Variants in KIF16B observed in about 807,000 individuals in gnomAD.
KIF16B encodes kinesin family member 16B.
Under a neutral mutation model 156.3 loss-of-function variants are expected in KIF16B, and 98 were observed. That is an observed-to-expected ratio of 0.63 (90% CI 0.53 to 0.74). The LOEUF is 0.74. KIF16B is among the 30% of genes least tolerant of loss of function. The pLI is 0.00. For missense variants in KIF16B, 1,421 were observed against 1,606.5 expected (o/e 0.88, Z 1.97); for synonymous variants, 564 against 583.7 (o/e 0.97, Z 0.49).
chr20:16,439,856 C>T lies in KIF16B; in HGVS notation c.1303-9874G>A, dbSNP rs1453125862. Among the ~76,000 whole-genome samples, 4 of 152,152 alleles carry T rather than the reference C, an allele frequency of 2.6e-5. No individual in the cohort carries two copies. The South Asian group carries it at 6.2e-4, about 24-fold the overall frequency. ...CTTATTCGCTATCATGAGAACAGCA[C>T]AGGAAAGACCTGCCCCCGTGATTCA... is the stretch of plus-strand genomic sequence containing the variant. On this transcript the variant is annotated intron_variant, in intron 12 of 25. Transcript: ENST00000354981.
chr20:16,367,338 TAAG>T, intron 22 of KIF16B: 2 of 1,612,894 alleles, frequency 1.2e-6, no homozygotes, highest in Non-Finnish European at 8.5e-7. Context: ...TGAGTTTCTG[TAAG>T]AAGACTAGTT....
chr20:16,335,865 T>C, intron 24 of KIF16B, 61 bp downstream of exon 24: 1 of 985,998 alleles, frequency 1.0e-6, no homozygotes, highest in Non-Finnish European at 1.6e-6. Flanking sequence ...GCTAATGCAA[T>C]CAGCTCATTT....
intron 12 of KIF16B, among the ~76,000 whole-genome samples, chr20:16,480,411 CAA>C (rs910911403): frequency 2.0e-5 from 3 of 152,024 alleles, no homozygotes; most frequent in South Asian, 2.1e-4. Flanking sequence ...AAACTGAGAC[CAA>C]GAGAGAGAAT....
At chr20:16,573,069 A>C (rs903547753) in intron 1 of KIF16B, among the ~76,000 whole-genome samples, 160 bp downstream of exon 1, 4 of 152,172 alleles carry the variant, frequency 2.6e-5, no homozygotes, top group Non-Finnish European at 4.4e-5. Context: ...ACAGCAGTGC[A>C]CGAAGTCCTC....
At chr20:16,481,930 G>A (rs1290551659) in intron 12 of KIF16B, among the ~76,000 whole-genome samples, 2 of 152,080 alleles carry the variant, frequency 1.3e-5, no homozygotes, top group Non-Finnish European at 2.9e-5. Flanking sequence ...GCCTGTCCTC[G>A]TTTCTCACTT....
chr20:16,298,999 GAAACAT>G (rs2122575729), intron 25 of KIF16B, among the ~76,000 whole-genome samples: 1 of 152,184 alleles, frequency 6.6e-6, no homozygotes, highest in Non-Finnish European at 1.5e-5. Context: ...GGTCATGATT[GAAACAT>G]ACATGTTGTA....
At chr20:16,495,104 GA>G (rs1330704834) in intron 11 of KIF16B, among the ~76,000 whole-genome samples, 1 of 152,172 alleles carries the variant, frequency 6.6e-6, no homozygotes, top group Non-Finnish European at 1.5e-5. Flanking sequence ...AAATATGAAT[GA>G]AAAATGCGTT....
Position 16,494,348 on chromosome 20 carries a change from A to T in KIF16B, c.1245T>A (p.Val415=). The T allele has an allele frequency of 6.3e-7, 1 of 1,592,768 alleles. No individual in the cohort carries two copies. Among genetic ancestry groups the T allele is most frequent in the East Asian group, 2.3e-5 (1 of 44,436 alleles). Residue 415 remains valine, a splice_region_variant and synonymous_variant, in exon 12 of 26, where the codon GTT becomes GTA. Coordinates refer to ENST00000354981, the MANE Select transcript of KIF16B (RefSeq NM_024704.5). ...TTGTCCATTCCTTGGTCAATTCTTGAACCTGAAAAGAAAAATATACATACG... is the reference window on the plus strand; with the variant it reads ...TTGTCCATTCCTTGGTCAATTCTTGTACCTGAAAAGAAAAATATACATACG... ...EEKLQQNEAR[V]QELTKEWTNK...
intron 22 of KIF16B, chr20:16,368,828 C>T (rs1263226797): frequency 5.1e-6 from 5 of 985,712 alleles, no homozygotes; most frequent in African/African-American, 3.5e-5. Flanking sequence ...ATAGACACTT[C>T]TTGGGACGTA....
intron 24 of KIF16B, among the ~76,000 whole-genome samples, chr20:16,326,291 A>G (rs934568223): frequency 3.8e-4 from 58 of 151,628 alleles, no homozygotes; most frequent in African/African-American, 1.4e-3. Context: ...AAAAAAAAAG[A>G]TAAATAGATG....
At chr20:16,381,582 G>T in intron 18 of KIF16B, 112 bp downstream of exon 18, 4 of 628,502 alleles carry the variant, frequency 6.4e-6, no homozygotes, top group Non-Finnish European at 7.6e-6. Flanking sequence ...ACAGATAACA[G>T]ACACAGAGCA....
At chr20:16,456,096 CCAATACAATACAATACAATA>C (rs56823966) in intron 12 of KIF16B, among the ~76,000 whole-genome samples, 205 of 143,410 alleles carry the variant, frequency 1.4e-3, no homozygotes, top group African/African-American at 4.0e-3. Flanking sequence ...TCTACTGGAG[CCAATACAATACAATACAATA>C]CAATACAATA....
intron 1 of KIF16B, among the ~76,000 whole-genome samples, chr20:16,561,901 G>A (rs758078485): frequency 9.5e-4 from 144 of 152,168 alleles, no homozygotes; most frequent in Non-Finnish European, 1.6e-3. Context: ...AAACTGTCAC[G>A]TACCAGAGAA....
At chr20:16,382,195 A>G (rs970816221) in intron 17 of KIF16B, 1 of 1,059,670 alleles carries the variant, frequency 9.4e-7, no homozygotes, top group Non-Finnish European at 1.3e-6. Context: ...TAAGGAAAGC[A>G]TTTAATAGGA....
chr20:16,346,343 G>A (rs965687728), intron 23 of KIF16B, among the ~76,000 whole-genome samples: 8 of 152,182 alleles, frequency 5.3e-5, no homozygotes, highest in Non-Finnish European at 1.2e-4. Context: ...TGAAAGCAGG[G>A]GAGCCGCTCA....
rs374601534 is a variant in KIF16B, at chr20:16,298,741, CAAAAA to C, written c.3795+13589_3795+13593del. Reference sequence around the variant, plus strand: ...TAGTCCCACCTATAAAGTGTTCTTGCAAAAAAAAATCAAACCTGAACTTAATCAAG... The same window carrying C: ...TAGTCCCACCTATAAAGTGTTCTTGCAAAATCAAACCTGAACTTAATCAAG... On this transcript the variant is annotated intron_variant, in intron 25 of 25. Coordinates refer to ENST00000354981, the MANE Select transcript of KIF16B (RefSeq NM_024704.5). 5.7e-4 allele frequency among the ~76,000 whole-genome samples: 85 copies of C among 150,046 alleles called. 1 individual carries two copies. In the East Asian group the frequency reaches 0.013, roughly 23 times the overall value.
intron 1 of KIF16B, among the ~76,000 whole-genome samples, chr20:16,555,057 T>C (rs1471120349): frequency 6.6e-6 from 1 of 152,224 alleles, no homozygotes; most frequent in Non-Finnish European, 1.5e-5. Context: ...GTGGACAGAA[T>C]GAGCCTGAGC....
chr20:16,384,721 T>C (rs555038822), intron 17 of KIF16B, among the ~76,000 whole-genome samples: 2 of 152,058 alleles, frequency 1.3e-5, no homozygotes, highest in South Asian at 4.2e-4. Context: ...CCATGACAAC[T>C]GTTTGCCTTG....
At chr20:16,569,522 C>A (rs1272300919) in intron 1 of KIF16B, among the ~76,000 whole-genome samples, 2 of 152,098 alleles carry the variant, frequency 1.3e-5, no homozygotes, top group Non-Finnish European at 2.9e-5. Flanking sequence ...CTGAATCAAG[C>A]ACTCATATTC....
Sources: allele counts gnomAD v4.1 joint callset (sites outside exome capture counted in the v4.1 genomes callset), GRCh38; gene constraint gnomAD v4.1.1; transcripts MANE v1.5; gene names NCBI Gene and HGNC (gene_info 2026-07-23, HGNC 2026-07-21).